COL10A1: variants seen among roughly 807,000 people sequenced by gnomAD.
The protein encoded by COL10A1 is collagen alpha-1(X) chain.
Under a neutral mutation model 18.2 loss-of-function variants are expected in COL10A1, and 10 were observed. That is an observed-to-expected ratio of 0.55 (90% CI 0.34 to 0.93). The LOEUF (loss-of-function observed/expected upper bound fraction) is 0.93. Among genes scored for constraint, COL10A1 ranks in the 40% least tolerant of loss-of-function variants. The probability of loss-of-function intolerance (pLI) is 0.02; values close to 1 mark genes in which losing one functional copy is unlikely to be tolerated. For synonymous variants in COL10A1, 330 were observed against 316.6 expected, an observed-to-expected ratio of 1.04 and a Z score of -0.45; for missense variants, 897 against 853.5, an observed-to-expected ratio of 1.05 and a Z score of -0.64.
At chr6:116,150,822 G>A (rs1780020582) in intron 1 of COL10A1, among the ~76,000 whole-genome samples, 2 of 152,132 alleles carry the variant, frequency 1.3e-5, no homozygotes, top group South Asian at 2.1e-4. Flanking sequence ...TATATATCTA[G>A]TGAATATCAA....
At chr6:116,208,942 C>T in the COL10A1 span, among the ~76,000 whole-genome samples, 1 of 151,942 alleles carries the variant, frequency 6.6e-6, no homozygotes, top group African/African-American at 2.4e-5. Flanking sequence ...TGGGGATCCA[C>T]TGTGATTAAA....
chr6:116,207,840 G>A, the COL10A1 span, among the ~76,000 whole-genome samples: 1 of 151,818 alleles, frequency 6.6e-6, no homozygotes, highest in African/African-American at 2.4e-5. Flanking sequence ...TTTACTCTGT[G>A]CCTCATTACT....
At chr6:116,132,664 GTGACA>G (rs557335096) in intron 1 of COL10A1, among the ~76,000 whole-genome samples, 79 of 152,236 alleles carry the variant, frequency 5.2e-4, no homozygotes, top group African/African-American at 1.8e-3. Flanking sequence ...CATTTCTGAT[GTGACA>G]AGCTGTTGGC....
chr6:116,190,327 A>G, the COL10A1 span, among the ~76,000 whole-genome samples: 2 of 152,028 alleles, frequency 1.3e-5, no homozygotes, highest in African/African-American at 4.8e-5. Flanking sequence ...GATTATTACC[A>G]TATGATAAAA....
intron 1 of COL10A1, among the ~76,000 whole-genome samples, chr6:116,149,784 C>T (rs1457849521): frequency 1.3e-5 from 2 of 152,196 alleles, no homozygotes; most frequent in Non-Finnish European, 2.9e-5. Context: ...TGAAATCAGA[C>T]AGCTTGAAGA....
chr6:116,197,271 C>T, the COL10A1 span, among the ~76,000 whole-genome samples: 1 of 152,080 alleles, frequency 6.6e-6, no homozygotes, highest in South Asian at 2.1e-4. Context: ...AACCACATAC[C>T]ATCCATAGTT....
At chr6:116,146,056 CAT>C (rs1474791602) in intron 1 of COL10A1, among the ~76,000 whole-genome samples, 1 of 152,200 alleles carries the variant, frequency 6.6e-6, no homozygotes, top group Non-Finnish European at 1.5e-5. Context: ...TCACAGTTAA[CAT>C]ATGCACGGTT....
chr6:116,202,471 A>G, the COL10A1 span, among the ~76,000 whole-genome samples: 1 of 151,994 alleles, frequency 6.6e-6, no homozygotes, highest in South Asian at 2.1e-4. Context: ...TCTTGATTCC[A>G]CCTTTAAGAG....
rs1195929800 is a variant in COL10A1 at position 116,146,972 on chromosome 6, T to C, written c.-16+11642A>G. 9.3e-5 allele frequency among the ~76,000 whole-genome samples: 13 copies of C among 139,120 alleles called. No homozygotes were observed. In the East Asian group the frequency reaches 2.4e-3, roughly 25 times the overall value. 91.3% of individuals were successfully genotyped at this position (139,120 alleles called of 152,430 possible). ...ACTACCAGTAGAAAAGGTAGGGGAATATTTTATATATGTATAAAATAATAT... is the reference window on the plus strand; with the variant it reads ...ACTACCAGTAGAAAAGGTAGGGGAACATTTTATATATGTATAAAATAATAT... On this transcript the variant is annotated intron_variant, in intron 1 of 1. Transcript: ENST00000418500.
the COL10A1 span, among the ~76,000 whole-genome samples, chr6:116,214,847 A>T: frequency 6.6e-6 from 1 of 151,986 alleles, no homozygotes; most frequent in African/African-American, 2.4e-5. Context: ...ATCTGGCTGG[A>T]CATCACCATG....
the COL10A1 span, among the ~76,000 whole-genome samples, chr6:116,202,271 A>G: frequency 9.2e-5 from 14 of 151,880 alleles, no homozygotes; most frequent in Non-Finnish European, 1.8e-4. Context: ...TTTCTGTAGT[A>G]CCTTTTTTTC....
chr6:116,171,635 T>C, the COL10A1 span, among the ~76,000 whole-genome samples: 1 of 152,208 alleles, frequency 6.6e-6, no homozygotes, highest in African/African-American at 2.4e-5. Flanking sequence ...ATATTTGACT[T>C]GGCTGAATTC....
the COL10A1 span, among the ~76,000 whole-genome samples, chr6:116,190,755 T>C: frequency 6.6e-6 from 1 of 152,044 alleles, no homozygotes; most frequent in South Asian, 2.1e-4. Context: ...TCATGTGGTA[T>C]GTAAAACGTC....
chr6:116,145,681 C>T (rs183613713), intron 1 of COL10A1, among the ~76,000 whole-genome samples: 13 of 152,288 alleles, frequency 8.5e-5, no homozygotes, highest in African/African-American at 2.9e-4. Flanking sequence ...ATCTGAAAAT[C>T]AAATTTGTAT....
chr6:116,128,856 C>G (rs571118869), upstream of COL10A1, among the ~76,000 whole-genome samples: 1 of 152,194 alleles, frequency 6.6e-6, no homozygotes, highest in South Asian at 2.1e-4. Context: ...TATCAGTGTT[C>G]TATTACCACC....
chr6:116,163,141 A>AAAAAAAATATATATATAT (rs761718922), upstream of COL10A1, among the ~76,000 whole-genome samples: 3 of 88,404 alleles, frequency 3.4e-5, no homozygotes, highest in African/African-American at 1.7e-4. Context: ...AAAAAAAAAA[A>AAAAAAAATATATATATAT]ATATATATAT....
chr6:116,161,680 C>A (rs979305965), upstream of COL10A1, among the ~76,000 whole-genome samples: 1 of 152,112 alleles, frequency 6.6e-6, no homozygotes, highest in African/African-American at 2.4e-5. Flanking sequence ...CAAGTTTATT[C>A]TTTTTGCTTA....
chr6:116,120,885 C>A lies in COL10A1; in HGVS notation c.1231G>T (p.Asp411Tyr). The change falls in exon 3 of 3, where the codon GAT becomes TAT. Residue 411 changes from aspartate (D) to tyrosine (Y), a missense_variant. By Grantham distance (160) the Asp-to-Tyr change is radical (BLOSUM62 -3). Transcript: ENST00000651968. ...GNPGLPGPKG[D>Y]PGVGGPPGLP... ...CCAGGAGGTCCTCCAACTCCAGGAT[C>A]ACCTTTTGGACCTGGTAACCCTGGG... 6.2e-7 allele frequency: 1 copy of A among 1,613,908 alleles called. No homozygotes were observed. The highest frequency in any genetic ancestry group is 8.5e-7 in the Non-Finnish European group (1 of 1,179,902).
the COL10A1 span, among the ~76,000 whole-genome samples, chr6:116,164,879 C>G: frequency 6.6e-6 from 1 of 151,820 alleles, no homozygotes; most frequent in Admixed American, 6.6e-5. Flanking sequence ...GTCAGGAGAT[C>G]GAGACCATCC....
Sources: gnomAD v4.1 joint callset for allele counts (sites outside exome capture counted in the v4.1 genomes callset) on GRCh38, gnomAD v4.1.1 for gene constraint, MANE v1.5 for transcripts, NCBI Gene and HGNC (gene_info 2026-07-23, HGNC 2026-07-21) for gene names.